PTCHD4: variants seen among roughly 807,000 people sequenced by gnomAD.
The protein encoded by PTCHD4 is patched domain containing 4.
In PTCHD4, 33 loss-of-function variants were observed where a neutral mutation model predicts 58.1. The ratio of observed to expected loss-of-function variants is 0.57; its 90% CI spans 0.43 to 0.76. PTCHD4 has a LOEUF of 0.76. Among genes scored for constraint, PTCHD4 ranks in the 30% least tolerant of loss-of-function variants. PTCHD4 has a pLI of 0.00. For synonymous variants in PTCHD4, 478 were observed against 409.6 expected (o/e 1.17, Z -2.02); for missense variants, 1,058 against 1,027.1 (o/e 1.03, Z -0.41).
intron 4 of PTCHD4, among the ~76,000 whole-genome samples, chr6:47,934,261 C>T (rs1765926104): frequency 1.3e-5 from 2 of 152,228 alleles, no homozygotes; most frequent in Admixed American, 6.5e-5. Context: ...GGGACTCTGG[C>T]TCTGAGAGAG....
intron 3 of PTCHD4, among the ~76,000 whole-genome samples, chr6:48,040,717 A>G (rs1412952174): frequency 6.6e-6 from 1 of 152,098 alleles, no homozygotes; most frequent in African/African-American, 2.4e-5. Flanking sequence ...ATTCTGTGAA[A>G]TGGATACTAT....
chr6:48,034,465 G>A (rs140376693), intron 3 of PTCHD4, among the ~76,000 whole-genome samples: 197 of 152,156 alleles, frequency 1.3e-3, no homozygotes, highest in African/African-American at 4.6e-3. Flanking sequence ...GCAGTTGACC[G>A]TTACTTCATT....
intron 4 of PTCHD4, among the ~76,000 whole-genome samples, chr6:47,894,957 C>T (rs193177553): frequency 3.3e-5 from 5 of 152,112 alleles, no homozygotes; most frequent in Admixed American, 3.3e-4. Context: ...CATGGTGAAA[C>T]CTCGTCTCCA....
At chr6:47,967,246 A>G (rs1404357547) in intron 4 of PTCHD4, among the ~76,000 whole-genome samples, 4 of 152,214 alleles carry the variant, frequency 2.6e-5, no homozygotes, top group Non-Finnish European at 5.9e-5. Context: ...AACCAGACGC[A>G]TTGTCGATTT....
At chr6:48,064,965 A>G (rs1186241664) in intron 3 of PTCHD4, among the ~76,000 whole-genome samples, 1 of 152,128 alleles carries the variant, frequency 6.6e-6, no homozygotes, top group Non-Finnish European at 1.5e-5. Context: ...TTCTAAGTCG[A>G]TGGCTGCTTT....
At chr6:47,924,495 A>G (rs1306225799) in intron 4 of PTCHD4, among the ~76,000 whole-genome samples, 1 of 152,136 alleles carries the variant, frequency 6.6e-6, no homozygotes, top group African/African-American at 2.4e-5. Context: ...TCTTTCGAGT[A>G]TCATGGGCTG....
chr6:47,891,476 C>G (rs1282742400), intron 4 of PTCHD4, among the ~76,000 whole-genome samples: 23 of 152,008 alleles, frequency 1.5e-4, no homozygotes, highest in Admixed American at 1.5e-3. Flanking sequence ...TTGCCCAAAA[C>G]GTAAAATGGA....
intron 1 of PTCHD4, among the ~76,000 whole-genome samples, chr6:48,072,478 A>G (rs1764993339): frequency 6.6e-6 from 1 of 152,092 alleles, no homozygotes; most frequent in South Asian, 2.1e-4. Flanking sequence ...TGGTACTACA[A>G]AATGCTGCAG....
At chr6:47,902,889 T>A (rs1764758101) in intron 4 of PTCHD4, among the ~76,000 whole-genome samples, 1 of 152,332 alleles carries the variant, frequency 6.6e-6, no homozygotes, top group East Asian at 1.9e-4. Flanking sequence ...AAATAAATTG[T>A]CTTGGAGCTC....
At chr6:48,083,977 TG>T (rs930885658) in intron 1 of PTCHD4, among the ~76,000 whole-genome samples, 7 of 152,262 alleles carry the variant, frequency 4.6e-5, no homozygotes, top group African/African-American at 1.7e-4. Flanking sequence ...GCTAAATATC[TG>T]TGAGATAATA....
intron 1 of PTCHD4, among the ~76,000 whole-genome samples, chr6:48,085,900 T>C (rs998958915): frequency 1.4e-4 from 22 of 152,230 alleles, no homozygotes; most frequent in African/African-American, 4.8e-4. Flanking sequence ...TATCGTGTCA[T>C]TGCTTAAAAA....
At chr6:47,999,771 G>A (rs186227711) in intron 4 of PTCHD4, among the ~76,000 whole-genome samples, 2 of 152,250 alleles carry the variant, frequency 1.3e-5, no homozygotes, top group East Asian at 1.9e-4. Flanking sequence ...AGTTAACTAG[G>A]TATCTAGTCA....
At chr6:47,948,281 A>T (rs1417175507) in intron 4 of PTCHD4, among the ~76,000 whole-genome samples, 1 of 152,174 alleles carries the variant, frequency 6.6e-6, no homozygotes, top group Non-Finnish European at 1.5e-5. Flanking sequence ...CCAATCATGG[A>T]TCTTTCTTTA....
chr6:47,886,555 C>T (rs1764199447), intron 4 of PTCHD4, among the ~76,000 whole-genome samples: 1 of 152,138 alleles, frequency 6.6e-6, no homozygotes, highest in South Asian at 2.1e-4. Context: ...GTTATTTCTT[C>T]ATTTGGTTAG....
intron 4 of PTCHD4, among the ~76,000 whole-genome samples, chr6:47,963,976 T>C (rs1206396501): frequency 6.6e-6 from 1 of 152,198 alleles, no homozygotes. Context: ...CCACTCATTA[T>C]CAAGATGAAA....
At chr6:48,100,216 C>G (rs1765571931) in intron 1 of PTCHD4, among the ~76,000 whole-genome samples, 1 of 151,960 alleles carries the variant, frequency 6.6e-6, no homozygotes, top group Non-Finnish European at 1.5e-5. Context: ...ATACTTAAAC[C>G]AATCAAGATA....
chr6:47,892,813 C>T (rs771430593), intron 4 of PTCHD4, among the ~76,000 whole-genome samples: 5 of 152,184 alleles, frequency 3.3e-5, no homozygotes, highest in Admixed American at 6.5e-5. Context: ...GTTTTGTGGC[C>T]TTTCTTCCCA....
Position 47,930,052 on chromosome 6 carries a change from T to C in PTCHD4, c.899-50116A>G, listed in dbSNP as rs1561963002. 2.0e-5 allele frequency among the ~76,000 whole-genome samples: 3 copies of C among 152,188 alleles called. No individual in the cohort carries two copies. The South Asian group carries it at 6.2e-4, about 32-fold the overall frequency. ...CTCAAGCTTGTTTTGACTAGTTCTA[T>C]TGACTTTCATGCCCTTTGGTTAAAG... On this transcript the variant is annotated intron_variant, in intron 4 of 4. Transcript: ENST00000339488.
At chr6:47,922,886 T>A (rs944568922) in intron 4 of PTCHD4, among the ~76,000 whole-genome samples, 1 of 152,222 alleles carries the variant, frequency 6.6e-6, no homozygotes, top group African/African-American at 2.4e-5. Context: ...TCAGTCCTAC[T>A]GGGATTCCTT....
Sources: gnomAD v4.1 joint callset for allele counts (sites outside exome capture counted in the v4.1 genomes callset) on GRCh38, gnomAD v4.1.1 for gene constraint, MANE v1.5 for transcripts, NCBI Gene and HGNC (gene_info 2026-07-23, HGNC 2026-07-21) for gene names.